FMNL2: variants seen among roughly 807,000 people sequenced by gnomAD.
FMNL2 encodes the protein formin-like protein 2.
FMNL2 carries 51 observed loss-of-function variants against 130.2 expected under a neutral mutation model. That is an observed-to-expected ratio of 0.39 (90% CI 0.31 to 0.49). The LOEUF is 0.49. Ranked by LOEUF, FMNL2 falls within the 20% of genes least tolerant of loss-of-function variation. The probability of loss-of-function intolerance (pLI) is 0.85; values close to 1 mark genes in which losing one functional copy is unlikely to be tolerated. For synonymous variants in FMNL2, 465 were observed against 467.1 expected (o/e 1.00, Z 0.06); for missense variants, 977 against 1,316.2 (o/e 0.74, Z 3.99).
At chr2:152,387,233 A>G (rs2105914156) in intron 1 of FMNL2, among the ~76,000 whole-genome samples, 1 of 152,338 alleles carries the variant, frequency 6.6e-6, no homozygotes, top group Non-Finnish European at 1.5e-5. Flanking sequence ...TTAGTTTAAC[A>G]GACCACATTG....
At chr2:152,584,120 G>C (rs933685841) in intron 9 of FMNL2, among the ~76,000 whole-genome samples, 1 of 151,722 alleles carries the variant, frequency 6.6e-6, no homozygotes, top group Admixed American at 6.6e-5. Flanking sequence ...CCATCTTTGC[G>C]TGAGTGAATT....
chr2:152,587,055 G>A (rs1697121251), intron 9 of FMNL2, among the ~76,000 whole-genome samples: 1 of 152,304 alleles, frequency 6.6e-6, no homozygotes, highest in Admixed American at 6.5e-5. Flanking sequence ...GCCCAGCTGG[G>A]ACTATCAACC....
intron 4 of FMNL2, among the ~76,000 whole-genome samples, chr2:152,557,706 G>C (rs375174772): frequency 1.3e-5 from 2 of 152,212 alleles, no homozygotes; most frequent in African/African-American, 4.8e-5. Flanking sequence ...TTGTCCTACT[G>C]TTATTTTAAT....
intron 10 of FMNL2, 148 bp from the exon 11 acceptor site, chr2:152,611,347 A>C (rs1002481351): frequency 1.8e-5 from 9 of 514,174 alleles, no homozygotes; most frequent in Non-Finnish European, 3.1e-5. Context: ...TCCAAAAAAA[A>C]CCATATATAT....
At chr2:152,559,817 C>T (rs933560277) in intron 5 of FMNL2, among the ~76,000 whole-genome samples, 1 of 152,128 alleles carries the variant, frequency 6.6e-6, no homozygotes, top group Non-Finnish European at 1.5e-5. Context: ...TATTAGATTA[C>T]CCCATTCTAA....
At chr2:152,631,165 C>A (rs1443823226) in intron 20 of FMNL2, among the ~76,000 whole-genome samples, 4 of 152,086 alleles carry the variant, frequency 2.6e-5, no homozygotes, top group African/African-American at 9.7e-5. Flanking sequence ...GCGGGAGGAT[C>A]ACCTGAGGTC....
At chr2:152,548,938 A>T in intron 3 of FMNL2, 83 bp from the exon 4 acceptor site, 1 of 1,034,244 alleles carries the variant, frequency 9.7e-7, no homozygotes, top group Non-Finnish European at 1.3e-6. Flanking sequence ...TATTTTTCAT[A>T]TTGTGTTAAA....
chr2:152,550,728 A>C (rs1193725192), intron 4 of FMNL2, among the ~76,000 whole-genome samples: 1 of 152,202 alleles, frequency 6.6e-6, no homozygotes, highest in African/African-American at 2.4e-5. Flanking sequence ...AATACTTTCT[A>C]ATATTTATGA....
rs139816466 is a variant in FMNL2, at chr2:152,516,484, T to G, written c.118-5459T>G. 2.2e-3 allele frequency among the ~76,000 whole-genome samples: 338 copies of G among 152,246 alleles called. 4 individuals carry two copies. The highest frequency in any genetic ancestry group is 7.6e-3 in the African/African-American group (316 of 41,552). Reference sequence around the variant, plus strand: ...TCCATGTTTTTTCTCTCTAAGCAAGTGGTTATATAGTAGAAGAGTTCCTGT... The same window carrying G: ...TCCATGTTTTTTCTCTCTAAGCAAGGGGTTATATAGTAGAAGAGTTCCTGT... On this transcript the variant is annotated intron_variant, in intron 1 of 25. Coordinates refer to ENST00000288670, the MANE Select transcript of FMNL2 (RefSeq NM_052905.4).
At chr2:152,643,947 A>C in intron 25 of FMNL2, 3 of 955,590 alleles carry the variant, frequency 3.1e-6, no homozygotes, top group Non-Finnish European at 3.7e-6. Context: ...TACTGTGTTC[A>C]GGTTGGATGC....
intron 20 of FMNL2, among the ~76,000 whole-genome samples, chr2:152,631,063 T>A (rs1460476505): frequency 6.6e-6 from 1 of 152,098 alleles, no homozygotes; most frequent in East Asian, 1.9e-4. Context: ...ATTTATAAAT[T>A]AGGCACAGTG....
At chr2:152,538,368 C>T (rs1361027270) in intron 2 of FMNL2, among the ~76,000 whole-genome samples, 5 of 152,130 alleles carry the variant, frequency 3.3e-5, no homozygotes, top group Non-Finnish European at 7.4e-5. Flanking sequence ...CAAGCCCCAC[C>T]TCCTGGGTTC....
At chr2:152,640,747 A>G in intron 24 of FMNL2, 44 bp from the exon 25 acceptor site, 4 of 1,597,616 alleles carry the variant, frequency 2.5e-6, no homozygotes, top group South Asian at 1.1e-5. Context: ...ACAAACTCCT[A>G]ATGGGTGCTG....
chr2:152,365,687 C>T (rs761054737), intron 1 of FMNL2, among the ~76,000 whole-genome samples: 1 of 151,976 alleles, frequency 6.6e-6, no homozygotes, highest in African/African-American at 2.4e-5. Flanking sequence ...GCAGGAGAAT[C>T]GCTTGAACCC....
intron 1 of FMNL2, among the ~76,000 whole-genome samples, chr2:152,374,419 T>C (rs1684051458): frequency 6.6e-6 from 1 of 152,110 alleles, no homozygotes; most frequent in Non-Finnish European, 1.5e-5. Flanking sequence ...ATTTTCTTGA[T>C]CAGATAATAC....
At chr2:152,627,513 C>A (rs1252795327) in intron 17 of FMNL2, among the ~76,000 whole-genome samples, 1 of 152,192 alleles carries the variant, frequency 6.6e-6, no homozygotes, top group Non-Finnish European at 1.5e-5. Context: ...AATTTTGTGT[C>A]CTCAACCAGG....
intron 8 of FMNL2, among the ~76,000 whole-genome samples, chr2:152,580,396 TG>T (rs1696717799): frequency 6.6e-6 from 1 of 152,246 alleles, no homozygotes; most frequent in African/African-American, 2.4e-5. Flanking sequence ...CTAGTAAAGC[TG>T]TAATCCAGCT....
At chr2:152,344,855 TTA>T (rs1340549145) in intron 1 of FMNL2, among the ~76,000 whole-genome samples, 1 of 152,240 alleles carries the variant, frequency 6.6e-6, no homozygotes, top group Non-Finnish European at 1.5e-5. Context: ...CAACATTCAT[TTA>T]TTAAGAATCC....
intron 6 of FMNL2, among the ~76,000 whole-genome samples, chr2:152,574,614 A>G (rs1696374873): frequency 6.6e-6 from 1 of 152,192 alleles, no homozygotes; most frequent in Non-Finnish European, 1.5e-5. Flanking sequence ...ATTGCTGCAT[A>G]TGAATACAAT....
Sources: allele counts gnomAD v4.1 joint callset (sites outside exome capture counted in the v4.1 genomes callset), GRCh38; gene constraint gnomAD v4.1.1; transcripts MANE v1.5; gene names NCBI Gene and HGNC (gene_info 2026-07-23, HGNC 2026-07-21).